SHISA9: variants seen among roughly 807,000 people sequenced by gnomAD.
SHISA9 encodes the protein protein shisa-9.
In SHISA9, 13 loss-of-function variants were observed where a neutral mutation model predicts 38.0. That is an observed-to-expected ratio of 0.34 (90% CI 0.22 to 0.54). SHISA9 has a LOEUF of 0.54. Ranked by LOEUF, SHISA9 falls within the 20% of genes least tolerant of loss-of-function variation. The pLI is 0.91. For missense variants in SHISA9, 538 were observed against 575.8 expected (o/e 0.93, Z 0.67); for synonymous variants, 275 against 242.0 (o/e 1.14, Z -1.27).
intron 1 of SHISA9, chr16:12,909,989 T>G (rs538851967): frequency 6.6e-6 from 1 of 152,402 alleles, no homozygotes; most frequent in East Asian, 1.9e-4. Flanking sequence ...CCCGAGTAGC[T>G]GGGACTACAG....
At chr16:13,292,658 C>T in the SHISA9 span, among the ~76,000 whole-genome samples, 74 of 152,200 alleles carry the variant, frequency 4.9e-4, no homozygotes, top group Middle Eastern at 0.01. Flanking sequence ...CAATCAACCT[C>T]TCAGATGAGA....
the SHISA9 span, among the ~76,000 whole-genome samples, chr16:13,310,558 C>T: frequency 6.6e-6 from 1 of 152,034 alleles, no homozygotes. Context: ...GAAATAAAAG[C>T]CATCATGTTG....
At chr16:13,083,748 C>T (rs1313099680) in intron 2 of SHISA9, among the ~76,000 whole-genome samples, 1 of 152,158 alleles carries the variant, frequency 6.6e-6, no homozygotes, top group Non-Finnish European at 1.5e-5. Flanking sequence ...GGAAAGAAAC[C>T]TTATTGGCAA....
chr16:13,258,898 A>T, the SHISA9 span, among the ~76,000 whole-genome samples: 1 of 152,082 alleles, frequency 6.6e-6, no homozygotes, highest in Non-Finnish European at 1.5e-5. Flanking sequence ...ACACAGCCAA[A>T]CCATATCATT....
At chr16:13,385,358 C>G in the SHISA9 span, among the ~76,000 whole-genome samples, 1 of 152,212 alleles carries the variant, frequency 6.6e-6, no homozygotes, top group African/African-American at 2.4e-5. Context: ...CTTATAGCAG[C>G]TTTATTCATA....
chr16:13,561,154 G>A, the SHISA9 span, among the ~76,000 whole-genome samples: 1 of 152,152 alleles, frequency 6.6e-6, no homozygotes, highest in African/African-American at 2.4e-5. Context: ...AGCATGGGCC[G>A]CCGCGCCTGG....
the SHISA9 span, among the ~76,000 whole-genome samples, chr16:13,369,878 C>G: frequency 1.3e-5 from 2 of 151,942 alleles, no homozygotes; most frequent in Non-Finnish European, 2.9e-5. Flanking sequence ...CTGACCCCTC[C>G]GCAGACCAAT....
At chr16:13,549,742 A>G in the SHISA9 span, among the ~76,000 whole-genome samples, 1 of 152,088 alleles carries the variant, frequency 6.6e-6, no homozygotes, top group South Asian at 2.1e-4. Context: ...ATTAGAGCTG[A>G]GGCCAGGTGT....
chr16:13,526,263 T>C, the SHISA9 span, among the ~76,000 whole-genome samples: 1 of 152,348 alleles, frequency 6.6e-6, no homozygotes, highest in South Asian at 2.1e-4. Context: ...TCCTGAGGAC[T>C]TCACCCCAGA....
the SHISA9 span, among the ~76,000 whole-genome samples, chr16:13,375,025 T>A: frequency 5.9e-5 from 9 of 152,326 alleles, no homozygotes; most frequent in African/African-American, 2.2e-4. Context: ...GTTGTTTGAT[T>A]TTTTCTCGTA....
chr16:13,233,037 C>G (rs1470127950), intron 4 of SHISA9, among the ~76,000 whole-genome samples: 3 of 151,842 alleles, frequency 2.0e-5, no homozygotes, highest in African/African-American at 2.4e-5. Flanking sequence ...TTTCAAAGAA[C>G]GACAAAAAAA....
chr16:13,092,683 C>G (rs929026483), intron 2 of SHISA9, among the ~76,000 whole-genome samples: 4 of 152,230 alleles, frequency 2.6e-5, no homozygotes, highest in African/African-American at 9.6e-5. Context: ...GGGAAAAGCA[C>G]AGTATTTGGG....
intron 2 of SHISA9, among the ~76,000 whole-genome samples, chr16:13,021,333 C>T (rs936454412): frequency 3.9e-5 from 6 of 152,176 alleles, no homozygotes; most frequent in African/African-American, 1.4e-4. Flanking sequence ...CCCCAATACT[C>T]ATGAACAGTG....
chr16:13,061,951 A>G (rs530300272), intron 2 of SHISA9, among the ~76,000 whole-genome samples: 2 of 152,190 alleles, frequency 1.3e-5, no homozygotes, highest in Non-Finnish European at 2.9e-5. Flanking sequence ...ACGGAGCTCA[A>G]TGCGCCAGAG....
chr16:13,527,665 AATTCAAGTTCCT>A, the SHISA9 span, among the ~76,000 whole-genome samples: 2 of 152,190 alleles, frequency 1.3e-5, no homozygotes, highest in Admixed American at 1.3e-4. Flanking sequence ...GCCCACACGG[AATTCAAGTTCCT>A]AGTTATCCCT....
At chr16:12,946,365 G>T (rs1292581720) in intron 2 of SHISA9, among the ~76,000 whole-genome samples, 1 of 152,188 alleles carries the variant, frequency 6.6e-6, no homozygotes, top group Non-Finnish European at 1.5e-5. Context: ...GAAAGCATAA[G>T]GGAACCAAGT....
the SHISA9 span, among the ~76,000 whole-genome samples, chr16:13,489,316 C>A: frequency 1.3e-5 from 2 of 152,302 alleles, no homozygotes; most frequent in Admixed American, 1.3e-4. Flanking sequence ...TCTCAAAGTG[C>A]TGGGATTACA....
At chr16:12,960,452 A>G (rs2071894046) in intron 2 of SHISA9, among the ~76,000 whole-genome samples, 1 of 152,208 alleles carries the variant, frequency 6.6e-6, no homozygotes, top group Non-Finnish European at 1.5e-5. Flanking sequence ...CCCTATTCTA[A>G]AGATACGTGC....
rs1180620093 is a variant in SHISA9, at chr16:13,238,107, T to C, written c.*2698T>C. 1.3e-5 allele frequency: 2 copies of C among 152,050 alleles called. No individual in the cohort carries two copies. The highest frequency in any genetic ancestry group is 2.9e-5 in the Non-Finnish European group (2 of 67,994). 9.4% of individuals were successfully genotyped at this position (152,050 alleles called of 1,614,324 possible). ...TGTGAGTCTGAACTAAAGCCTGGGG[T>C]TCTTTCTTTCTCTCTCCATCTCTCT... is the stretch of plus-strand genomic sequence containing the variant. On this transcript the variant is annotated 3_prime_UTR_variant, in exon 5 of 5. Transcript: ENST00000558583.
Sources: allele counts gnomAD v4.1 joint callset (sites outside exome capture counted in the v4.1 genomes callset), GRCh38; gene constraint gnomAD v4.1.1; transcripts MANE v1.5; gene names NCBI Gene and HGNC (gene_info 2026-07-23, HGNC 2026-07-21).